Variants in KCNQ1 observed in about 807,000 individuals in gnomAD.
The protein encoded by KCNQ1 is potassium voltage-gated channel subfamily KQT member 1.
A neutral mutation model predicts 72.4 loss-of-function variants in KCNQ1; 49 were observed. The ratio of observed to expected loss-of-function variants is 0.68; its 90% confidence interval spans 0.54 to 0.86. The LOEUF (loss-of-function observed/expected upper bound fraction) is 0.86, where lower values mean the gene tolerates loss of function less well. KCNQ1 is among the 40% of genes least tolerant of loss of function. The probability of loss-of-function intolerance (pLI) is 0.00; values close to 1 mark genes in which losing one functional copy is unlikely to be tolerated. For missense variants in KCNQ1, 790 were observed against 945.1 expected (o/e 0.84, Z 2.15); for synonymous variants, 450 against 412.6 (o/e 1.09, Z -1.10).
chr11:2,644,809 C>G, intron 10 of KCNQ1: 1 of 398,638 alleles, frequency 2.5e-6, no homozygotes, highest in Non-Finnish European at 4.4e-6. Context: ...TTTTTTTCAG[C>G]TGTAAACAGC....
Position 2,626,810 on chromosome 11 carries a change from A to G in KCNQ1, c.1394-35151A>G. 2 of 398,618 alleles carry G rather than the reference A, an allele frequency of 5.0e-6. No homozygotes were observed. Among genetic ancestry groups the G allele is most frequent in the Non-Finnish European group, 8.8e-6 (2 of 226,064 alleles). 24.7% of individuals were successfully genotyped at this position (398,618 alleles called of 1,614,324 possible). A position where few individuals can be genotyped will look rare whatever the true frequency, so the allele number is the denominator to read the frequency against. On this transcript the variant is annotated intron_variant, in intron 10 of 15. Transcript: ENST00000155840. This position sits in a 1 kb window ranked among gnomAD's most constrained non-coding sequence, Gnocchi z 4.0. Reference sequence around the variant, plus strand: ...TCAAAAGTGCTGAGATTACAGGTGTAGGCCATTGTACCTGGCCTGTAGTAA... The same window carrying G: ...TCAAAAGTGCTGAGATTACAGGTGTGGGCCATTGTACCTGGCCTGTAGTAA...
intron 11 of KCNQ1, among the ~76,000 whole-genome samples, chr11:2,714,037 C>T (rs1284709795): frequency 6.6e-6 from 1 of 151,880 alleles, no homozygotes; most frequent in Non-Finnish European, 1.5e-5. Context: ...CAGCCCTCCC[C>T]CACACAGGCA....
Position 2,725,033 on chromosome 11 carries a change from G to A in KCNQ1, c.1515-43811G>A, listed in dbSNP as rs1291481617. Among the ~76,000 whole-genome samples, 1 of 152,188 alleles carries A rather than the reference G, an allele frequency of 6.6e-6. No individual in the cohort carries two copies. The highest frequency in any genetic ancestry group is 1.5e-5 in the Non-Finnish European group (1 of 68,028). ...CTGTCCGTTTAAGAAAAGCCTGTGG[G>A]CCCAATAGAGAAGCACAGGGTCTGA... On this transcript the variant is annotated intron_variant, in intron 11 of 15. Coordinates refer to ENST00000155840, the MANE Select transcript of KCNQ1 (RefSeq NM_000218.3). The surrounding 1 kb of genome is among the most constrained non-coding windows in gnomAD (Gnocchi z 7.2).
chr11:2,810,704 G>A (rs1847468325), intron 15 of KCNQ1, among the ~76,000 whole-genome samples: 1 of 152,212 alleles, frequency 6.6e-6, no homozygotes, highest in African/African-American at 2.4e-5. Flanking sequence ...CTCATGTTCT[G>A]AATGTTTTTC....
In KCNQ1 at chr11:2,762,280, G is replaced by A. The variant is rs1015584778; in HGVS notation, c.1515-6564G>A. Among the ~76,000 whole-genome samples, 6 of 152,154 alleles carry A rather than the reference G, an allele frequency of 3.9e-5. No individual in the cohort carries two copies. Among genetic ancestry groups the A allele is most frequent in the Admixed American group, 6.5e-5 (1 of 15,274 alleles). ...ATACTGTTTGCGTTCCTTTAAAGACGTCTTTGCCCATCCCAGGTCGTGAAA... is the reference window on the plus strand; with the variant it reads ...ATACTGTTTGCGTTCCTTTAAAGACATCTTTGCCCATCCCAGGTCGTGAAA... On this transcript the variant is annotated intron_variant, in intron 11 of 15. Transcript: ENST00000155840. This position sits in a 1 kb window ranked among gnomAD's most constrained non-coding sequence, Gnocchi z 4.3.
chr11:2,727,010 G>T (rs1845775754), intron 11 of KCNQ1, among the ~76,000 whole-genome samples: 2 of 152,254 alleles, frequency 1.3e-5, no homozygotes, highest in Admixed American at 6.5e-5. Flanking sequence ...GCAGCAGGGA[G>T]GGGACACTTA....
At chr11:2,699,281 A>G (rs903574012) in intron 11 of KCNQ1, 4 of 398,790 alleles carry the variant, frequency 1.0e-5, no homozygotes, top group African/African-American at 8.2e-5. Context: ...GCCAGGCTGC[A>G]CTGCTGACGC....
chr11:2,499,544 C>T (rs76995564), intron 1 of KCNQ1, among the ~76,000 whole-genome samples: 2,406 of 146,888 alleles, frequency 0.016, 74 homozygotes, highest in African/African-American at 0.057. Flanking sequence ...AAAAAAAGAC[C>T]CAATTATCTG....
Position 2,631,925 on chromosome 11 carries a change from G to A in KCNQ1, c.1394-30036G>A, listed in dbSNP as rs1214559942. ...AAGCTGGGCGCAGTGGCTCACGCCT[G>A]TAATCCCAGCACTTTGGGAGGCTGA... On this transcript the variant is annotated intron_variant, in intron 10 of 15. Transcript: ENST00000155840. 7 of 397,330 alleles carry A rather than the reference G, an allele frequency of 1.8e-5. No homozygotes were observed. The Admixed American group carries it at 3.1e-4, about 18-fold the overall frequency. The allele number at this position is 397,330 out of a possible 1,614,324, so 24.6% of individuals were successfully genotyped here.
chr11:2,811,565 C>T (rs979614268), intron 15 of KCNQ1, among the ~76,000 whole-genome samples: 3 of 152,240 alleles, frequency 2.0e-5, no homozygotes, highest in South Asian at 2.1e-4. Flanking sequence ...CAAGCCCAGG[C>T]GGGGCCCTTG....
Position 2,526,726 on chromosome 11 carries a change from G to A in KCNQ1, c.387-1202G>A, listed in dbSNP as rs1847515154. On this transcript the variant is annotated intron_variant, in intron 1 of 15. Transcript: ENST00000155840. The surrounding 1 kb of genome is among the most constrained non-coding windows in gnomAD (Gnocchi z 6.1). ...GGACAGGTGGAAGAGGATGGGTTCTGGGTGGGGCTGACTTCAGGAGGCTGG... is the reference window on the plus strand; with the variant it reads ...GGACAGGTGGAAGAGGATGGGTTCTAGGTGGGGCTGACTTCAGGAGGCTGG... Among the ~76,000 whole-genome samples, 1 of 152,074 alleles carries A rather than the reference G, an allele frequency of 6.6e-6. No homozygotes were observed. The highest frequency in any genetic ancestry group is 1.5e-5 in the Non-Finnish European group (1 of 67,990).
chr11:2,597,230 T>A (rs868607079), intron 10 of KCNQ1, among the ~76,000 whole-genome samples: 1 of 152,182 alleles, frequency 6.6e-6, no homozygotes, highest in Non-Finnish European at 1.5e-5. Context: ...GTCTCAGTCA[T>A]TGATGTTAGA....
intron 10 of KCNQ1, chr11:2,629,124 G>T: frequency 2.5e-6 from 1 of 397,892 alleles, no homozygotes. Flanking sequence ...CTATATCTGT[G>T]AAAAAAAGTC....
At position 2,566,760 on chromosome 11, in the gene KCNQ1, CG is replaced by C. The variant is rs1271620498; in HGVS notation, c.478-3862del. On this transcript the variant is annotated intron_variant, in intron 2 of 15. Transcript: ENST00000155840. The surrounding 1 kb of genome is among the most constrained non-coding windows in gnomAD (Gnocchi z 6.7). ...TCCCGGGCCATTGCATCCTTGACCC[CG>C]GGGGGCTTGCAGGCACCACATAGAT... Among the ~76,000 whole-genome samples the C allele has an allele frequency of 6.6e-6, 1 of 152,114 alleles. No individual in the cohort carries two copies. Among genetic ancestry groups the C allele is most frequent in the South Asian group, 2.1e-4 (1 of 4,822 alleles).
At position 2,471,020 on chromosome 11, in the gene KCNQ1, G is replaced by A. The variant is rs1248906078; in HGVS notation, c.386+25536G>A. ...GTTAATGTCTGACCAGCTGGGAGGT[G>A]TCGGTGGAGGCTCCCTTTCTGCCCG... On this transcript the variant is annotated intron_variant, in intron 1 of 15. Transcript: ENST00000155840. This position sits in a 1 kb window ranked among gnomAD's most constrained non-coding sequence, Gnocchi z 4.8. Among the ~76,000 whole-genome samples, 1 of 152,128 alleles carries A rather than the reference G, an allele frequency of 6.6e-6. No homozygotes were observed. Among genetic ancestry groups the A allele is most frequent in the Non-Finnish European group, 1.5e-5 (1 of 68,024 alleles).
Position 2,673,482 on chromosome 11 carries a change from A to T in KCNQ1, c.1514+11401A>T, listed in dbSNP as rs910058525. On this transcript the variant is annotated intron_variant, in intron 11 of 15. Transcript: ENST00000155840. This position sits in a 1 kb window ranked among gnomAD's most constrained non-coding sequence, Gnocchi z 4.5. ...CCGGAACACCTGAAAAGCCATACAGACTCCTGCTCATCACAACCACTTGTT... is the reference window on the plus strand; with the variant it reads ...CCGGAACACCTGAAAAGCCATACAGTCTCCTGCTCATCACAACCACTTGTT... 1 of 398,286 alleles carries T rather than the reference A, an allele frequency of 2.5e-6. No homozygotes were observed. The highest frequency in any genetic ancestry group is 4.4e-5 in the Admixed American group (1 of 22,708). The allele number at this position is 398,286 out of a possible 1,614,324, so 24.7% of individuals were successfully genotyped here.
At chr11:2,650,515 T>A in intron 10 of KCNQ1, 1 of 398,720 alleles carries the variant, frequency 2.5e-6, no homozygotes, top group Non-Finnish European at 4.4e-6. Flanking sequence ...AATTAGACTA[T>A]AATCCACATC....
chr11:2,666,683 T>G, intron 11 of KCNQ1: 1 of 398,702 alleles, frequency 2.5e-6, no homozygotes, highest in Admixed American at 4.4e-5. Context: ...CAGCTTGGCC[T>G]GGGACATTTT....
At position 2,608,368 on chromosome 11, in the gene KCNQ1, A is replaced by G; in HGVS notation, c.1393+19514A>G. On this transcript the variant is annotated intron_variant, in intron 10 of 15. Coordinates refer to ENST00000155840, the MANE Select transcript of KCNQ1 (RefSeq NM_000218.3). The surrounding 1 kb of genome is among the most constrained non-coding windows in gnomAD (Gnocchi z 4.6). ...GTTTTCATCTTTCTAGGAATTTGTC[A>G]ATTTCATCTAAGTTTTATAATTTAT... 2.5e-6 allele frequency: 1 copy of G among 398,514 alleles called. No homozygotes were observed. The highest frequency in any genetic ancestry group is 6.3e-4 in the Middle Eastern group (1 of 1,588). 24.7% of individuals were successfully genotyped at this position (398,514 alleles called of 1,614,324 possible).
Sources: gnomAD v4.1 joint callset for allele counts (sites outside exome capture counted in the v4.1 genomes callset) on GRCh38, gnomAD v4.1.1 for gene constraint, Gnocchi (gnomAD v3.1) non-coding constraint, MANE v1.5 for transcripts, NCBI Gene and HGNC (gene_info 2026-07-23, HGNC 2026-07-21) for gene names.